LCP1: variants seen among roughly 807,000 people sequenced by gnomAD.
The protein encoded by LCP1 is plastin-2.
LCP1 carries 23 observed loss-of-function variants against 72.0 expected under a neutral mutation model. That is an observed-to-expected ratio of 0.32 (90% CI 0.23 to 0.45). The LOEUF (loss-of-function observed/expected upper bound fraction) is 0.45. LCP1 is among the 20% of genes least tolerant of loss of function. The pLI, the probability that LCP1 is intolerant of heterozygous loss-of-function variation, is 1.00. For missense variants in LCP1, 571 were observed against 748.3 expected (o/e 0.76, Z 2.76); for synonymous variants, 245 against 275.4 (o/e 0.89, Z 1.09).
At chr13:46,178,710 T>C (rs1378878649) in intron 1 of LCP1, among the ~76,000 whole-genome samples, 1 of 152,200 alleles carries the variant, frequency 6.6e-6, no homozygotes, top group Non-Finnish European at 1.5e-5. Context: ...TTTCATTTGA[T>C]ATCTGTAAGT....
In LCP1 at chr13:46,147,126, A is replaced by G; in HGVS notation, c.979-23T>C. 6 of 1,548,196 alleles carry G rather than the reference A, an allele frequency of 3.9e-6. No individual in the cohort carries two copies. The South Asian group carries it at 6.3e-5, about 16-fold the overall frequency. ...CTCCTGCAATGCAAAAGGATGTCTCAGGGCTGGGTCAAGGCTCTCCATGCA... is the reference window on the plus strand; with the variant it reads ...CTCCTGCAATGCAAAAGGATGTCTCGGGGCTGGGTCAAGGCTCTCCATGCA... On this transcript the variant is annotated intron_variant, in intron 9 of 15. Coordinates refer to ENST00000323076, the MANE Select transcript of LCP1 (RefSeq NM_002298.5).
rs973383516 is a variant in LCP1, at chr13:46,137,259, C to T, written c.1503-3009G>A. On this transcript the variant is annotated intron_variant, in intron 13 of 15. Coordinates refer to ENST00000323076, the MANE Select transcript of LCP1 (RefSeq NM_002298.5). ...AAGAAAGAATAGAATTAGGCTGGGC[C>T]GGGCACGGTGGCTCATGCCTGTAAT... Among the ~76,000 whole-genome samples the T allele has an allele frequency of 6.6e-5, 10 of 151,830 alleles. No homozygotes were observed. In the East Asian group the frequency reaches 7.7e-4, roughly 12 times the overall value.
intron 13 of LCP1, among the ~76,000 whole-genome samples, chr13:46,135,115 A>AAG (rs1395927883): frequency 1.4e-5 from 2 of 140,240 alleles, no homozygotes; most frequent in East Asian, 3.9e-4. Context: ...TCTCAAAAAA[A>AAG]AAAAAAAAGA....
At chr13:46,131,080 G>T in intron 14 of LCP1, 142 bp from the exon 15 acceptor site, 1 of 818,954 alleles carries the variant, frequency 1.2e-6, no homozygotes, top group Non-Finnish European at 1.8e-6. Context: ...TCCACATAGT[G>T]TTTCAAATAA....
chr13:46,127,533 C>A lies in LCP1; in HGVS notation c.*58G>T. On this transcript the variant is annotated 3_prime_UTR_variant, in exon 16 of 16. Coordinates refer to ENST00000323076, the MANE Select transcript of LCP1 (RefSeq NM_002298.5). ...GGAATGGCTTGAATCATCCCTGGAG[C>A]ATCTGTGCCGGGCAGTCAGGAGTGA... 2 of 1,602,718 alleles carry A rather than the reference C, an allele frequency of 1.2e-6. No individual in the cohort carries two copies. The highest frequency in any genetic ancestry group is 1.7e-6 in the Non-Finnish European group (2 of 1,173,208).
intron 1 of LCP1, among the ~76,000 whole-genome samples, chr13:46,176,116 G>T (rs1566447730): frequency 6.6e-6 from 1 of 152,186 alleles, no homozygotes; most frequent in East Asian, 1.9e-4. Flanking sequence ...TAGCTAGACA[G>T]GAGGAATAAG....
chr13:46,142,025 C>T (rs1250553370), intron 13 of LCP1, among the ~76,000 whole-genome samples: 1 of 151,644 alleles, frequency 6.6e-6, no homozygotes, highest in Non-Finnish European at 1.5e-5. Flanking sequence ...AAAAAGACTA[C>T]TTTATAAGGA....
At chr13:46,143,255 C>A in intron 12 of LCP1, 35 bp downstream of exon 12, 7 of 1,455,796 alleles carry the variant, frequency 4.8e-6, no homozygotes, top group Non-Finnish European at 6.8e-6. Flanking sequence ...ATGACTTTGC[C>A]TGTCTCCTGG....
chr13:46,156,750 T>C (rs952662822), intron 4 of LCP1, among the ~76,000 whole-genome samples, 180 bp from the exon 5 acceptor site: 3 of 152,192 alleles, frequency 2.0e-5, no homozygotes, highest in African/African-American at 4.8e-5. Context: ...GAAATAGGCA[T>C]TGAGTCTGTG....
At chr13:46,136,687 C>T (rs2045667012) in intron 13 of LCP1, among the ~76,000 whole-genome samples, 1 of 152,110 alleles carries the variant, frequency 6.6e-6, no homozygotes, top group African/African-American at 2.4e-5. Flanking sequence ...TTCCAGATAG[C>T]ATGCATATTA....
intron 1 of LCP1, among the ~76,000 whole-genome samples, chr13:46,165,542 C>T (rs2045871665): frequency 1.3e-5 from 2 of 152,168 alleles, no homozygotes; most frequent in South Asian, 4.1e-4. Context: ...ACAGATACTG[C>T]TGCAGTAATG....
intron 6 of LCP1, 60 bp downstream of exon 6, chr13:46,154,745 G>C: frequency 7.1e-7 from 1 of 1,414,076 alleles, no homozygotes; most frequent in Non-Finnish European, 1.0e-6. Flanking sequence ...GGACTCAGCA[G>C]TTATGATGCT....
chr13:46,146,765 A>G (rs1052181420), intron 10 of LCP1, 143 bp downstream of exon 10: 2 of 802,922 alleles, frequency 2.5e-6, no homozygotes, highest in Non-Finnish European at 4.2e-6. Flanking sequence ...GAATCTATTT[A>G]TTCTCTTTGT....
chr13:46,159,606 G>C lies in LCP1; in HGVS notation c.57C>G (p.Ala19=). The part of the protein sequence containing the change: ...EEMMELREAF[A]KVDTDGNGYI... Reference sequence around the variant, plus strand: ...GGTACCAGGTCTACTCACCAACTTTGGCAAAAGCTTCTCTGAGCTCCATCA... The same window carrying C: ...GGTACCAGGTCTACTCACCAACTTTCGCAAAAGCTTCTCTGAGCTCCATCA... Residue 19 remains alanine, a synonymous_variant, in exon 2 of 16, where the codon GCC becomes GCG. Coordinates refer to ENST00000323076, the MANE Select transcript of LCP1 (RefSeq NM_002298.5). 6.2e-7 allele frequency: 1 copy of C among 1,613,910 alleles called. No homozygotes were observed. Among genetic ancestry groups the C allele is most frequent in the Non-Finnish European group, 8.5e-7 (1 of 1,179,824 alleles).
chr13:46,178,156 T>G (rs1437664685), intron 1 of LCP1, among the ~76,000 whole-genome samples: 1 of 152,158 alleles, frequency 6.6e-6, no homozygotes, highest in Non-Finnish European at 1.5e-5. Context: ...AGACACTACC[T>G]CACAGGACTG....
chr13:46,165,366 C>G (rs1305963901), intron 1 of LCP1, among the ~76,000 whole-genome samples: 1 of 151,336 alleles, frequency 6.6e-6, no homozygotes, highest in Non-Finnish European at 1.5e-5. Context: ...AGAGCGAGAC[C>G]CCATTTCAAA....
chr13:46,174,848 A>AG (rs569362726), intron 1 of LCP1, among the ~76,000 whole-genome samples: 4 of 149,266 alleles, frequency 2.7e-5, no homozygotes, highest in Admixed American at 2.0e-4. Context: ...AAAAAAAAAA[A>AG]AAAGAAAAAA....
At position 46,153,005 on chromosome 13, in the gene LCP1, C is replaced by G. The variant is rs894969667; in HGVS notation, c.574-60G>C. ...TGACTTTGTAGATGCCAAATAATAC[C>G]GATGGCAACAGTAACAATGTTTTCC... On this transcript the variant is annotated intron_variant, in intron 6 of 15. Transcript: ENST00000323076. 5 of 1,460,340 alleles carry G rather than the reference C, an allele frequency of 3.4e-6. No individual in the cohort carries two copies. In the African/African-American group the frequency reaches 7.1e-5, roughly 21 times the overall value. The allele number at this position is 1,460,340 out of a possible 1,614,324, so 90.5% of individuals were successfully genotyped here.
At chr13:46,130,987 C>T (rs891987101) in intron 14 of LCP1, 49 bp from the exon 15 acceptor site, 1 of 1,528,706 alleles carries the variant, frequency 6.5e-7, no homozygotes, top group African/African-American at 1.4e-5. Flanking sequence ...CAAAGTTACT[C>T]CCATTCAGCT....
Sources: allele counts gnomAD v4.1 joint callset (sites outside exome capture counted in the v4.1 genomes callset), GRCh38; gene constraint gnomAD v4.1.1; transcripts MANE v1.5; gene names NCBI Gene and HGNC (gene_info 2026-07-23, HGNC 2026-07-21).